Variants in EYS observed in about 807,000 individuals in gnomAD.
EYS encodes EGF-like photoreceptor maintenance factor.
In EYS, 250 loss-of-function variants were observed where a neutral mutation model predicts 282.1. The observed-to-expected ratio is 0.89, with a 90% CI of 0.80 to 0.98. The LOEUF (loss-of-function observed/expected upper bound fraction) is 0.98. Ranked by LOEUF, EYS falls within the 50% of genes least tolerant of loss-of-function variation. The pLI, the probability that EYS is intolerant of heterozygous loss-of-function variation, is 0.00. For synonymous variants in EYS, 1,355 were observed against 1,282.9 expected, an observed-to-expected ratio of 1.06 and a Z score of -1.20; for missense variants, 4,016 against 3,709.0, an observed-to-expected ratio of 1.08 and a Z score of -2.15.
chr6:63,886,998 C>T (rs994272374), intron 35 of EYS, among the ~76,000 whole-genome samples: 5 of 152,108 alleles, frequency 3.3e-5, no homozygotes, highest in Non-Finnish European at 7.4e-5. Flanking sequence ...CTCTTATTCT[C>T]CTTTGAATCA....
In EYS at chr6:65,345,789, CA is replaced by C. The variant is rs563572068; in HGVS notation, c.1460-1613del. Among the ~76,000 whole-genome samples the C allele has an allele frequency of 6.7e-5, 10 of 149,712 alleles. No homozygotes were observed. In the East Asian group the frequency reaches 2.0e-3, roughly 30 times the overall value. On this transcript the variant is annotated intron_variant, in intron 9 of 42. Coordinates refer to ENST00000503581, the MANE Select transcript of EYS (RefSeq NM_001142800.2). The stretch of plus-strand genomic sequence containing the variant: ...TAAATAAAACAAACGTTTTAACCCA[CA>C]AAAAAGAGTGAGAAGATGAAAAAAA...
chr6:64,107,285 T>TTATATATATATATATATATATATATA (rs55756711), intron 31 of EYS, among the ~76,000 whole-genome samples: 35 of 101,488 alleles, frequency 3.4e-4, no homozygotes, highest in Non-Finnish European at 6.6e-4. Flanking sequence ...ATATATATAT[T>TTATATATATATATATATATATATATA]TATATATATA....
chr6:64,810,231 G>A (rs917882709), intron 22 of EYS, among the ~76,000 whole-genome samples: 1 of 151,832 alleles, frequency 6.6e-6, no homozygotes, highest in African/African-American at 2.4e-5. Flanking sequence ...AAACAGAAGG[G>A]AATTAAATTA....
At chr6:65,452,458 A>G (rs935883788) in intron 5 of EYS, among the ~76,000 whole-genome samples, 1 of 151,978 alleles carries the variant, frequency 6.6e-6, no homozygotes, top group Admixed American at 6.6e-5. Flanking sequence ...CCACTAAGGT[A>G]GGATTAATTA....
chr6:64,816,533 G>A (rs1442257400), intron 21 of EYS, among the ~76,000 whole-genome samples: 9 of 152,162 alleles, frequency 5.9e-5, no homozygotes, highest in East Asian at 1.9e-4. Context: ...TGCATGAGTC[G>A]TGATAGGCTT....
intron 29 of EYS, among the ~76,000 whole-genome samples, chr6:64,333,554 C>T (rs1009467211): frequency 6.6e-6 from 1 of 152,074 alleles, no homozygotes; most frequent in African/African-American, 2.4e-5. Flanking sequence ...ATAGGGTGCA[C>T]AACTGGAACA....
chr6:65,596,185 G>T (rs1459446061), intron 2 of EYS, among the ~76,000 whole-genome samples: 2 of 152,060 alleles, frequency 1.3e-5, no homozygotes, highest in Non-Finnish European at 2.9e-5. Flanking sequence ...GATGACTGTG[G>T]CTAAATAACA....
chr6:64,949,531 T>C (rs2150098552), intron 14 of EYS, among the ~76,000 whole-genome samples: 1 of 152,032 alleles, frequency 6.6e-6, no homozygotes, highest in Non-Finnish European at 1.5e-5. Flanking sequence ...ACCTCTTGTT[T>C]TGTTAAAGGC....
At chr6:64,655,238 A>G (rs1298574233) in intron 22 of EYS, among the ~76,000 whole-genome samples, 1 of 152,146 alleles carries the variant, frequency 6.6e-6, no homozygotes, top group Non-Finnish European at 1.5e-5. Flanking sequence ...AAGACCTACA[A>G]GAAATGACCT....
chr6:65,212,375 A>G (rs1434025387), intron 12 of EYS, among the ~76,000 whole-genome samples: 1 of 152,136 alleles, frequency 6.6e-6, no homozygotes, highest in African/African-American at 2.4e-5. Context: ...TAAGAAGAAA[A>G]TAGAAGATAT....
intron 13 of EYS, among the ~76,000 whole-genome samples, chr6:65,045,609 T>C (rs2150151601): frequency 6.6e-6 from 1 of 151,930 alleles, no homozygotes; most frequent in Non-Finnish European, 1.5e-5. Context: ...GATAACCACA[T>C]ATGAGGAAGT....
intron 5 of EYS, among the ~76,000 whole-genome samples, chr6:65,478,486 T>C (rs1765487133): frequency 6.6e-6 from 1 of 152,130 alleles, no homozygotes; most frequent in African/African-American, 2.4e-5. Flanking sequence ...ATGAATTGGT[T>C]CATTTAGTCT....
At position 65,592,955 on chromosome 6, in the gene EYS, C is replaced by T. The variant is rs534872880; in HGVS notation, c.-333+46823G>A. Among the ~76,000 whole-genome samples, 120 of 152,096 alleles carry T rather than the reference C, an allele frequency of 7.9e-4. 1 individual carries two copies. Among genetic ancestry groups the T allele is most frequent in the African/African-American group, 2.6e-3 (108 of 41,536 alleles). ...ACATTATGGACAACAGCATGAGAAC[C>T]ATCTTTAATTCTGCCTCCTGTTTCC... is the stretch of plus-strand genomic sequence containing the variant. On this transcript the variant is annotated intron_variant, in intron 2 of 42. Transcript: ENST00000503581.
intron 35 of EYS, among the ~76,000 whole-genome samples, chr6:63,976,170 G>C (rs964174044): frequency 1.3e-5 from 2 of 152,054 alleles, no homozygotes; most frequent in South Asian, 4.1e-4. Context: ...GTTGCCCTGG[G>C]TGAATCAGTG....
At chr6:65,425,202 G>C (rs556314419) in intron 5 of EYS, among the ~76,000 whole-genome samples, 1 of 151,878 alleles carries the variant, frequency 6.6e-6, no homozygotes, top group Admixed American at 6.6e-5. Context: ...GAATAATGAT[G>C]GTAAAGGGTA....
intron 35 of EYS, among the ~76,000 whole-genome samples, chr6:63,924,062 A>G (rs1764647247): frequency 6.6e-6 from 1 of 152,166 alleles, no homozygotes; most frequent in South Asian, 2.1e-4. Flanking sequence ...TTCAAAAAGG[A>G]ATTCTCTAAA....
At chr6:65,152,349 C>A (rs538602158) in intron 12 of EYS, among the ~76,000 whole-genome samples, 1 of 151,828 alleles carries the variant, frequency 6.6e-6, no homozygotes, top group Admixed American at 6.6e-5. Flanking sequence ...AGCTCTAACC[C>A]CTAGTACCTC....
intron 22 of EYS, among the ~76,000 whole-genome samples, chr6:64,802,719 A>G (rs1209403575): frequency 1.3e-5 from 2 of 152,126 alleles, no homozygotes; most frequent in Non-Finnish European, 1.5e-5. Flanking sequence ...CTATCTCAAG[A>G]TGAAGTTTAC....
At chr6:64,098,188 T>G (rs1268486700) in intron 31 of EYS, among the ~76,000 whole-genome samples, 1 of 152,178 alleles carries the variant, frequency 6.6e-6, no homozygotes, top group South Asian at 2.1e-4. Context: ...CTCTTGCAAA[T>G]GTACTCAAGG....
Sources: allele counts gnomAD v4.1 joint callset (sites outside exome capture counted in the v4.1 genomes callset), GRCh38; gene constraint gnomAD v4.1.1; transcripts MANE v1.5; gene names NCBI Gene and HGNC (gene_info 2026-07-23, HGNC 2026-07-21).